The following COL19A1 variants were observed in gnomAD, a reference collection of about 807,000 sequenced individuals.
COL19A1 encodes collagen alpha-1(XIX) chain.
COL19A1 carries 159 observed loss-of-function variants against 190.2 expected under a neutral mutation model. That is an observed-to-expected ratio of 0.84 (90% CI 0.73 to 0.95). The LOEUF (loss-of-function observed/expected upper bound fraction) is 0.95, where lower values mean the gene tolerates loss of function less well. COL19A1 is among the 40% of genes least tolerant of loss of function. COL19A1 has a pLI of 0.00. For missense variants in COL19A1, 1,418 were observed against 1,431.9 expected (o/e 0.99, Z 0.16); for synonymous variants, 509 against 458.9 (o/e 1.11, Z -1.39).
intron 9 of COL19A1, among the ~76,000 whole-genome samples, chr6:69,953,471 G>T (rs931587086): frequency 6.6e-6 from 1 of 151,954 alleles, no homozygotes; most frequent in Non-Finnish European, 1.5e-5. Context: ...TGGAATAACT[G>T]TCATTTAATT....
intron 9 of COL19A1, among the ~76,000 whole-genome samples, chr6:69,940,739 A>C (rs1773415799): frequency 6.6e-6 from 1 of 152,182 alleles, no homozygotes; most frequent in Non-Finnish European, 1.5e-5. Flanking sequence ...TTTTCAATAC[A>C]TGCACCCACA....
intron 11 of COL19A1, among the ~76,000 whole-genome samples, chr6:69,978,385 A>G (rs1775846774): frequency 6.6e-6 from 1 of 152,086 alleles, no homozygotes; most frequent in Admixed American, 6.6e-5. Flanking sequence ...TTTGGACAAA[A>G]AAAATAAAAA....
rs1777512470 is a variant in COL19A1 at position 70,004,804 on chromosome 6, G to A, written c.1027-18823G>A. Among the ~76,000 whole-genome samples, 5 of 151,532 alleles carry A rather than the reference G, an allele frequency of 3.3e-5. No homozygotes were observed. In the South Asian group the frequency reaches 1.0e-3, roughly 32 times the overall value. On this transcript the variant is annotated intron_variant, in intron 11 of 50. Coordinates refer to ENST00000620364, the MANE Select transcript of COL19A1 (RefSeq NM_001858.6). ...CAAGGTTTTTAGCTTGTTTGCATTGGGCTAAAACATGCTCCTTTAGCTCAG... is the reference window on the plus strand; with the variant it reads ...CAAGGTTTTTAGCTTGTTTGCATTGAGCTAAAACATGCTCCTTTAGCTCAG...
intron 14 of COL19A1, among the ~76,000 whole-genome samples, chr6:70,050,292 A>G (rs1011094150): frequency 2.6e-5 from 4 of 152,064 alleles, no homozygotes; most frequent in African/African-American, 9.7e-5. Flanking sequence ...CAATGAGCCT[A>G]AAGTTCTTTA....
At chr6:70,037,097 T>G (rs1005555268) in intron 14 of COL19A1, among the ~76,000 whole-genome samples, 1 of 152,116 alleles carries the variant, frequency 6.6e-6, no homozygotes, top group South Asian at 2.1e-4. Flanking sequence ...AGAAAGACTA[T>G]TTTTTTGAGA....
At chr6:70,036,524 T>A (rs1227546983) in intron 14 of COL19A1, among the ~76,000 whole-genome samples, 1 of 152,222 alleles carries the variant, frequency 6.6e-6, no homozygotes, top group Non-Finnish European at 1.5e-5. Flanking sequence ...GTACATCATG[T>A]ATTAAGCACT....
At chr6:69,995,265 C>T (rs1254828972) in intron 11 of COL19A1, among the ~76,000 whole-genome samples, 1 of 152,158 alleles carries the variant, frequency 6.6e-6, no homozygotes, top group African/African-American at 2.4e-5. Context: ...CTATGAATGT[C>T]TCCTTTATCC....
At chr6:70,048,158 G>A (rs947057786) in intron 14 of COL19A1, among the ~76,000 whole-genome samples, 1 of 152,058 alleles carries the variant, frequency 6.6e-6, no homozygotes, top group Non-Finnish European at 1.5e-5. Context: ...CGCACAGAGA[G>A]GGTGCATAGC....
At chr6:70,010,385 G>C (rs992298200) in intron 11 of COL19A1, among the ~76,000 whole-genome samples, 2 of 127,756 alleles carry the variant, frequency 1.6e-5, no homozygotes, top group African/African-American at 5.5e-5. Flanking sequence ...GAACAGCTCC[G>C]GTCTACAGCT....
chr6:70,093,357 T>C (rs573971016), intron 15 of COL19A1, among the ~76,000 whole-genome samples: 7 of 152,212 alleles, frequency 4.6e-5, no homozygotes, highest in African/African-American at 1.7e-4. Flanking sequence ...AGCCATACCC[T>C]ACCACTGCCC....
chr6:69,929,401 T>G, intron 5 of COL19A1, 24 bp from the exon 6 acceptor site: 1 of 1,601,794 alleles, frequency 6.2e-7, no homozygotes. Context: ...TTAAAACATT[T>G]AAAGATACTT....
intron 34 of COL19A1, among the ~76,000 whole-genome samples, chr6:70,157,951 C>G (rs1583049738): frequency 6.6e-6 from 1 of 152,218 alleles, no homozygotes; most frequent in East Asian, 1.9e-4. Flanking sequence ...GCACTTTTCT[C>G]TCTTGGTGAA....
At chr6:69,895,796 A>G (rs1032337504) in intron 2 of COL19A1, among the ~76,000 whole-genome samples, 2 of 152,178 alleles carry the variant, frequency 1.3e-5, no homozygotes, top group African/African-American at 4.8e-5. Context: ...TGTTGCATGT[A>G]TCAATAGTTC....
intron 1 of COL19A1, among the ~76,000 whole-genome samples, chr6:69,876,681 T>G (rs1180994943): frequency 6.6e-6 from 1 of 152,182 alleles, no homozygotes; most frequent in Non-Finnish European, 1.5e-5. Flanking sequence ...TGTGCCAAAC[T>G]ACTAATTTGT....
chr6:69,990,600 T>G (rs891365208), intron 11 of COL19A1, among the ~76,000 whole-genome samples: 1 of 152,020 alleles, frequency 6.6e-6, no homozygotes, highest in Admixed American at 6.6e-5. Context: ...CTGAAGAATC[T>G]TCCATAGCCT....
chr6:70,071,710 G>A (rs1781567279), intron 15 of COL19A1, among the ~76,000 whole-genome samples: 1 of 151,974 alleles, frequency 6.6e-6, no homozygotes, highest in African/African-American at 2.4e-5. Context: ...AGATGAGAAT[G>A]TTTCAGATCA....
At chr6:69,942,170 C>T (rs1773514881) in intron 9 of COL19A1, among the ~76,000 whole-genome samples, 2 of 152,156 alleles carry the variant, frequency 1.3e-5, no homozygotes, top group South Asian at 4.1e-4. Context: ...AATACAACTT[C>T]CACATCTCTT....
intron 14 of COL19A1, chr6:70,059,855 A>G (rs1429306892): frequency 8.3e-6 from 4 of 484,300 alleles, no homozygotes; most frequent in East Asian, 5.6e-5. Flanking sequence ...AGTTATTTTT[A>G]TAGCAGACTA....
At chr6:70,017,817 G>T (rs1206234754) in intron 11 of COL19A1, among the ~76,000 whole-genome samples, 2 of 152,132 alleles carry the variant, frequency 1.3e-5, no homozygotes, top group Non-Finnish European at 2.9e-5. Flanking sequence ...GGAAGAAAAA[G>T]ACTAAAAGGT....
Sources: gnomAD v4.1 joint callset for allele counts (sites outside exome capture counted in the v4.1 genomes callset) on GRCh38, gnomAD v4.1.1 for gene constraint, MANE v1.5 for transcripts, NCBI Gene and HGNC (gene_info 2026-07-23, HGNC 2026-07-21) for gene names.